CDC14A: variants seen among roughly 807,000 people sequenced by gnomAD.
The protein encoded by CDC14A is dual specificity protein phosphatase CDC14A.
CDC14A carries 53 observed loss-of-function variants against 74.4 expected under a neutral mutation model. The ratio of observed to expected loss-of-function variants is 0.71; its 90% confidence interval spans 0.57 to 0.89. The LOEUF (loss-of-function observed/expected upper bound fraction) is 0.89. CDC14A is among the 40% of genes least tolerant of loss of function. CDC14A has a pLI of 0.00. For synonymous variants in CDC14A, 247 were observed against 258.4 expected (o/e 0.96, Z 0.43); for missense variants, 646 against 713.7 (o/e 0.91, Z 1.08).
intron 7 of CDC14A, among the ~76,000 whole-genome samples, chr1:100,446,906 C>A (rs916729223): frequency 2.2e-4 from 34 of 152,180 alleles, no homozygotes; most frequent in Middle Eastern, 3.4e-3. Context: ...GCCATGTTGC[C>A]CAGGTTGGTC....
intron 2 of CDC14A, among the ~76,000 whole-genome samples, chr1:100,360,905 T>C (rs946926410): frequency 3.9e-5 from 6 of 152,152 alleles, no homozygotes; most frequent in Admixed American, 2.6e-4. Flanking sequence ...CCAAGTGGGC[T>C]GCAGGAGATC....
At chr1:100,457,542 T>C (rs1358775590) in intron 8 of CDC14A, among the ~76,000 whole-genome samples, 1 of 152,128 alleles carries the variant, frequency 6.6e-6, no homozygotes, top group East Asian at 1.9e-4. Context: ...CATTGCAACC[T>C]TGAACTCCTG....
At chr1:100,358,978 A>T (rs1652307482) in intron 2 of CDC14A, among the ~76,000 whole-genome samples, 1 of 152,242 alleles carries the variant, frequency 6.6e-6, no homozygotes, top group African/African-American at 2.4e-5. Flanking sequence ...TGGAAGGTTG[A>T]ATGCCACTTA....
At chr1:100,362,732 A>G (rs1279496281) in intron 2 of CDC14A, among the ~76,000 whole-genome samples, 1 of 152,242 alleles carries the variant, frequency 6.6e-6, no homozygotes, top group Non-Finnish European at 1.5e-5. Context: ...GTGGATTGAG[A>G]GTCATCAAAA....
chr1:100,471,912 G>A (rs1344875148), intron 10 of CDC14A, among the ~76,000 whole-genome samples: 1 of 152,066 alleles, frequency 6.6e-6, no homozygotes, highest in Non-Finnish European at 1.5e-5. Flanking sequence ...ATAAAATAAT[G>A]TATTCATACT....
chr1:100,345,527 T>C (rs1287203968), intron 1 of CDC14A, among the ~76,000 whole-genome samples: 1 of 152,200 alleles, frequency 6.6e-6, no homozygotes, highest in Non-Finnish European at 1.5e-5. Flanking sequence ...GAGAGATACC[T>C]GAAAACCAGG....
At chr1:100,363,124 G>C (rs371094447) in intron 2 of CDC14A, 2 of 152,222 alleles carry the variant, frequency 1.3e-5, no homozygotes, top group Admixed American at 1.3e-4. Context: ...TTATGCAAAT[G>C]GACTTTCCAC....
At chr1:100,410,350 C>G (rs1307985898) in intron 4 of CDC14A, among the ~76,000 whole-genome samples, 3 of 151,988 alleles carry the variant, frequency 2.0e-5, no homozygotes, top group Non-Finnish European at 4.4e-5. Flanking sequence ...AAGACGGAGT[C>G]TTGCTCTGTT....
At position 100,518,625 on chromosome 1, in the gene CDC14A, T is replaced by G. The variant is rs912647871; in HGVS notation, c.*345T>G. On this transcript the variant is annotated 3_prime_UTR_variant, in exon 16 of 16. Coordinates refer to ENST00000336454, the MANE Select transcript of CDC14A (RefSeq NM_003672.4). ...TTACATTATATATGTATTGTGAACT[T>G]TAAAAGACTATTTTGATAAATTTAT... is the stretch of plus-strand genomic sequence containing the variant. 6.2e-6 allele frequency: 1 copy of G among 160,152 alleles called. No individual in the cohort carries two copies. Among genetic ancestry groups the G allele is most frequent in the Non-Finnish European group, 1.4e-5 (1 of 73,160 alleles). The allele number at this position is 160,152 out of a possible 1,614,324, so 9.9% of individuals were successfully genotyped here.
intron 4 of CDC14A, among the ~76,000 whole-genome samples, chr1:100,412,673 G>A (rs1660862876): frequency 8.6e-6 from 1 of 116,176 alleles, no homozygotes; most frequent in South Asian, 2.5e-4. Flanking sequence ...CTGCAGGGAA[G>A]GTGGGTGAAC....
chr1:100,456,069 C>G (rs774906172), intron 8 of CDC14A, among the ~76,000 whole-genome samples: 1 of 152,188 alleles, frequency 6.6e-6, no homozygotes, highest in Non-Finnish European at 1.5e-5. Context: ...ATAGGCAGAA[C>G]TGGTACTCCA....
At chr1:100,507,469 CTT>C (rs1215052091) in intron 15 of CDC14A, among the ~76,000 whole-genome samples, 1 of 146,004 alleles carries the variant, frequency 6.8e-6, no homozygotes, top group Admixed American at 6.9e-5. Context: ...CATCATTCTT[CTT>C]TTTTTTTTTG....
intron 2 of CDC14A, among the ~76,000 whole-genome samples, chr1:100,362,202 T>G (rs963218086): frequency 1.3e-5 from 2 of 152,218 alleles, no homozygotes; most frequent in Non-Finnish European, 2.9e-5. Context: ...CCTGGATATT[T>G]AAAATGTGGG....
chr1:100,504,968 T>G lies in CDC14A; in HGVS notation c.1755+5706T>G, dbSNP rs1341231083. The G allele has an allele frequency of 3.3e-6, 5 of 1,500,662 alleles. No individual in the cohort carries two copies. In the Admixed American group the frequency reaches 6.1e-5, roughly 18 times the overall value. The allele number at this position is 1,500,662 out of a possible 1,614,324, so 93.0% of individuals were successfully genotyped here. On this transcript the variant is annotated intron_variant, in intron 15 of 15. Transcript: ENST00000336454. The stretch of plus-strand genomic sequence containing the variant: ...TGGAATCCACCCTATAATTAATACT[T>G]TATTTTATCATGTATGCTATTATAT...
intron 1 of CDC14A, among the ~76,000 whole-genome samples, chr1:100,346,157 G>A (rs757879292): frequency 1.3e-5 from 2 of 151,994 alleles, no homozygotes; most frequent in Non-Finnish European, 2.9e-5. Context: ...GGGTGACAGA[G>A]CAAGACTCCA....
intron 15 of CDC14A, among the ~76,000 whole-genome samples, chr1:100,512,476 A>G (rs542458661): frequency 6.6e-6 from 1 of 152,208 alleles, no homozygotes; most frequent in Admixed American, 6.5e-5. Context: ...TTTTTCTAGA[A>G]ATGTGGCTTT....
chr1:100,513,870 GA>G (rs1649981913), intron 15 of CDC14A, among the ~76,000 whole-genome samples: 1 of 152,022 alleles, frequency 6.6e-6, no homozygotes. Flanking sequence ...TGCTTTCAGG[GA>G]ACAAGACTTC....
intron 2 of CDC14A, among the ~76,000 whole-genome samples, chr1:100,357,152 G>A (rs980255875): frequency 2.6e-5 from 4 of 152,054 alleles, no homozygotes; most frequent in Non-Finnish European, 5.9e-5. Context: ...GAAATTTAAG[G>A]GATATTTACA....
chr1:100,351,731 C>A, upstream of CDC14A: 1 of 1,550,216 alleles, frequency 6.5e-7, no homozygotes. Flanking sequence ...CATTGGCGGC[C>A]CAGATGAGAG....
Sources: allele counts gnomAD v4.1 joint callset (sites outside exome capture counted in the v4.1 genomes callset), GRCh38; gene constraint gnomAD v4.1.1; transcripts MANE v1.5; gene names NCBI Gene and HGNC (gene_info 2026-07-23, HGNC 2026-07-21).